GLRX3: variants seen among roughly 807,000 people sequenced by gnomAD.
GLRX3 encodes the protein glutaredoxin 3.
Under a neutral mutation model 49.5 loss-of-function variants are expected in GLRX3, and 22 were observed. The observed-to-expected ratio is 0.44, with a 90% confidence interval of 0.32 to 0.63. GLRX3 has a LOEUF of 0.63. GLRX3 is among the 30% of genes least tolerant of loss of function. GLRX3 has a pLI of 0.05. For missense variants in GLRX3, 385 were observed against 396.3 expected (o/e 0.97, Z 0.24); for synonymous variants, 133 against 140.0 (o/e 0.95, Z 0.35).
chr10:130,179,496 G>T lies in GLRX3; in HGVS notation c.*104G>T. 1.5e-6 allele frequency: 1 copy of T among 689,480 alleles called. No homozygotes were observed. The highest frequency in any genetic ancestry group is 2.6e-6 in the Non-Finnish European group (1 of 391,936). The allele number at this position is 689,480 out of a possible 1,614,324, so 42.7% of individuals were successfully genotyped here. ...AATGGACTAGGAATAGAAAATTCCT[G>T]CTTTCTCAGTTACATGTTTTGTGTA... On this transcript the variant is annotated 3_prime_UTR_variant, in exon 11 of 11. Transcript: ENST00000331244.
intron 2 of GLRX3, among the ~76,000 whole-genome samples, chr10:130,154,348 C>T (rs1390944399): frequency 6.6e-6 from 1 of 152,150 alleles, no homozygotes; most frequent in Non-Finnish European, 1.5e-5. Flanking sequence ...CACCCACTGT[C>T]CAACCAGTCC....
intron 1 of GLRX3, among the ~76,000 whole-genome samples, chr10:130,138,410 A>C (rs1456760568): frequency 6.6e-6 from 1 of 152,114 alleles, no homozygotes; most frequent in African/African-American, 2.4e-5. Context: ...AATTAGAGGC[A>C]AGTAGTACTC....
intron 2 of GLRX3, among the ~76,000 whole-genome samples, chr10:130,148,984 G>A (rs1229581389): frequency 6.6e-6 from 1 of 152,140 alleles, no homozygotes; most frequent in Non-Finnish European, 1.5e-5. Flanking sequence ...CTTAAGTCCA[G>A]GAGTTAGAGG....
At chr10:130,152,532 C>T (rs10829692) in intron 2 of GLRX3, among the ~76,000 whole-genome samples, 15,200 of 152,206 alleles carry the variant, frequency 0.1, 779 homozygotes, top group Middle Eastern at 0.13. Flanking sequence ...ATTTTCTTGT[C>T]TTTAAATGAT....
At chr10:130,141,219 G>A (rs1268353801) in intron 1 of GLRX3, among the ~76,000 whole-genome samples, 1 of 151,756 alleles carries the variant, frequency 6.6e-6, no homozygotes, top group Non-Finnish European at 1.5e-5. Flanking sequence ...GAGGTGGGAG[G>A]ATCACCTGAG....
At chr10:130,158,411 G>A (rs1397068500) in intron 2 of GLRX3, among the ~76,000 whole-genome samples, 1 of 152,118 alleles carries the variant, frequency 6.6e-6, no homozygotes, top group Non-Finnish European at 1.5e-5. Flanking sequence ...ATAGGAATTT[G>A]TTTTTATGAG....
intron 1 of GLRX3, among the ~76,000 whole-genome samples, chr10:130,139,624 A>G (rs1271841306): frequency 1.4e-5 from 2 of 147,504 alleles, no homozygotes. Context: ...CCTGGACGAC[A>G]GACGAAGACT....
intron 4 of GLRX3, 76 bp downstream of exon 4, chr10:130,161,073 C>G (rs976369097): frequency 1.0e-6 from 1 of 969,732 alleles, no homozygotes; most frequent in Admixed American, 1.7e-5. Flanking sequence ...GATGGGCATC[C>G]TGTTTCCAAG....
At chr10:130,161,430 TA>T (rs1359512018) in intron 4 of GLRX3, among the ~76,000 whole-genome samples, 1 of 152,214 alleles carries the variant, frequency 6.6e-6, no homozygotes, top group Non-Finnish European at 1.5e-5. Flanking sequence ...ATTCAGCAAT[TA>T]AAAAATTTGC....
chr10:130,179,307 A>G (rs1376544572), intron 10 of GLRX3, 35 bp from the exon 11 acceptor site: 1 of 952,132 alleles, frequency 1.1e-6, no homozygotes. Context: ...TTATATATGC[A>G]TATACATATT....
chr10:130,155,379 G>A (rs892474060), intron 2 of GLRX3, among the ~76,000 whole-genome samples: 1 of 152,202 alleles, frequency 6.6e-6, no homozygotes, highest in Admixed American at 6.5e-5. Context: ...TCTGGCTGGA[G>A]AATGGTTTGA....
intron 2 of GLRX3, among the ~76,000 whole-genome samples, chr10:130,152,393 A>G (rs1286808385): frequency 6.6e-6 from 1 of 152,160 alleles, no homozygotes; most frequent in African/African-American, 2.4e-5. Flanking sequence ...CAGTTTCTTC[A>G]TAGTGTCGAT....
At chr10:130,172,595 G>A (rs1862833598) in intron 8 of GLRX3, among the ~76,000 whole-genome samples, 1 of 152,128 alleles carries the variant, frequency 6.6e-6, no homozygotes, top group Non-Finnish European at 1.5e-5. Context: ...ATACTTCAAA[G>A]ATCTATTGAA....
chr10:130,143,898 C>A (rs1862220925), intron 1 of GLRX3, among the ~76,000 whole-genome samples: 2 of 152,142 alleles, frequency 1.3e-5, no homozygotes, highest in African/African-American at 2.4e-5. Context: ...GGGGTTTCAC[C>A]ACATTAGCCA....
At chr10:130,150,830 T>C (rs1862362643) in intron 2 of GLRX3, among the ~76,000 whole-genome samples, 1 of 152,182 alleles carries the variant, frequency 6.6e-6, no homozygotes, top group African/African-American at 2.4e-5. Context: ...TGGCAGAGAA[T>C]GTTGGCCAAT....
intron 10 of GLRX3, among the ~76,000 whole-genome samples, chr10:130,175,456 T>G (rs922215758): frequency 6.6e-6 from 1 of 152,244 alleles, no homozygotes; most frequent in Non-Finnish European, 1.5e-5. Context: ...GTGTGAGGCC[T>G]GTGGCCCGGT....
chr10:130,173,128 G>A (rs1192672600), intron 8 of GLRX3, among the ~76,000 whole-genome samples: 2 of 152,060 alleles, frequency 1.3e-5, no homozygotes, highest in African/African-American at 4.8e-5. Context: ...CTCTGCTGCG[G>A]GTCCACAGTG....
At chr10:130,156,517 G>A (rs1306085440) in intron 2 of GLRX3, among the ~76,000 whole-genome samples, 7 of 152,296 alleles carry the variant, frequency 4.6e-5, no homozygotes, top group Non-Finnish European at 4.4e-5. Flanking sequence ...GTTAAAGACG[G>A]TGCCTGTTGT....
intron 2 of GLRX3, among the ~76,000 whole-genome samples, chr10:130,158,816 G>A (rs1238383289): frequency 6.6e-6 from 1 of 152,008 alleles, no homozygotes; most frequent in Non-Finnish European, 1.5e-5. Flanking sequence ...TGATTTTATA[G>A]AATTTTCATA....
Sources: allele counts gnomAD v4.1 joint callset (sites outside exome capture counted in the v4.1 genomes callset), GRCh38; gene constraint gnomAD v4.1.1; transcripts MANE v1.5; gene names NCBI Gene and HGNC (gene_info 2026-07-23, HGNC 2026-07-21).